EPHA6: variants seen among roughly 807,000 people sequenced by gnomAD.
EPHA6 encodes ephrin type-A receptor 6.
EPHA6 carries 50 observed loss-of-function variants against 112.0 expected under a neutral mutation model. The observed-to-expected ratio is 0.45, with a 90% CI of 0.36 to 0.56. The LOEUF (loss-of-function observed/expected upper bound fraction) is 0.56. Among genes scored for constraint, EPHA6 ranks in the 20% least tolerant of loss-of-function variants. The pLI is 0.00. For missense variants in EPHA6, 1,280 were observed against 1,417.4 expected, an observed-to-expected ratio of 0.90 and a Z score of 1.56; for synonymous variants, 529 against 490.7, an observed-to-expected ratio of 1.08 and a Z score of -1.03.
At chr3:97,010,472 C>T (rs961906178) in intron 3 of EPHA6, among the ~76,000 whole-genome samples, 1 of 152,012 alleles carries the variant, frequency 6.6e-6, no homozygotes, top group African/African-American at 2.4e-5. Flanking sequence ...CATACCTCTG[C>T]CCTATAAGCA....
chr3:97,732,704 A>G (rs2035089994), intron 15 of EPHA6, among the ~76,000 whole-genome samples: 1 of 152,076 alleles, frequency 6.6e-6, no homozygotes, highest in Non-Finnish European at 1.5e-5. Flanking sequence ...AAATGGAGAT[A>G]ACAATTATAC....
At chr3:96,964,714 T>C (rs1405515572) in intron 2 of EPHA6, among the ~76,000 whole-genome samples, 1 of 152,180 alleles carries the variant, frequency 6.6e-6, no homozygotes, top group Non-Finnish European at 1.5e-5. Context: ...AATGTACTTA[T>C]CCGTTTCCAG....
At chr3:96,904,813 A>G (rs891759582) in intron 2 of EPHA6, among the ~76,000 whole-genome samples, 1 of 152,102 alleles carries the variant, frequency 6.6e-6, no homozygotes, top group South Asian at 2.1e-4. Flanking sequence ...GATGTACAGG[A>G]TGATGACATG....
chr3:97,387,069 A>C (rs1323222567), intron 5 of EPHA6, among the ~76,000 whole-genome samples: 1 of 152,204 alleles, frequency 6.6e-6, no homozygotes, highest in African/African-American at 2.4e-5. Context: ...CCTGGCCCAC[A>C]AAACCATTCT....
intron 6 of EPHA6, 118 bp from the exon 7 acceptor site, chr3:97,448,450 T>A: frequency 3.7e-6 from 4 of 1,070,860 alleles, no homozygotes; most frequent in Non-Finnish European, 5.5e-6. Context: ...TAACACTACT[T>A]TGTAATCAAT....
chr3:97,144,287 TTATCTC>T (rs1419411053), intron 3 of EPHA6, among the ~76,000 whole-genome samples: 5 of 151,710 alleles, frequency 3.3e-5, no homozygotes, highest in Non-Finnish European at 5.9e-5. Context: ...TTGGAATTGT[TTATCTC>T]TATATTTTCT....
intron 3 of EPHA6, among the ~76,000 whole-genome samples, chr3:97,095,590 G>A (rs62265073): frequency 6.6e-6 from 1 of 151,642 alleles, no homozygotes; most frequent in African/African-American, 2.4e-5. Context: ...TTTTAGGTGG[G>A]CTAATGGCTA....
intron 3 of EPHA6, among the ~76,000 whole-genome samples, chr3:97,020,664 A>T (rs745850695): frequency 9.2e-5 from 14 of 152,216 alleles, no homozygotes; most frequent in Admixed American, 2.0e-4. Context: ...GTTTCACAGG[A>T]AGAGATTCCC....
chr3:97,547,508 G>T (rs1275139231), intron 11 of EPHA6, among the ~76,000 whole-genome samples: 1 of 152,152 alleles, frequency 6.6e-6, no homozygotes, highest in African/African-American at 2.4e-5. Flanking sequence ...GCTACTTGGG[G>T]GTCAGGGACC....
intron 5 of EPHA6, among the ~76,000 whole-genome samples, chr3:97,283,192 C>CT (rs552647637): frequency 1.1e-4 from 16 of 152,012 alleles, no homozygotes; most frequent in East Asian, 5.8e-4. Context: ...CTGTCAACAA[C>CT]TTTTTTTTAA....
intron 3 of EPHA6, among the ~76,000 whole-genome samples, chr3:97,050,792 T>C (rs969078748): frequency 3.9e-5 from 6 of 152,150 alleles, no homozygotes; most frequent in Non-Finnish European, 7.3e-5. Context: ...ACTAAATAAT[T>C]GCTGTTCTTT....
At chr3:97,716,690 C>A (rs1036869166) in intron 14 of EPHA6, among the ~76,000 whole-genome samples, 2 of 151,928 alleles carry the variant, frequency 1.3e-5, no homozygotes, top group Non-Finnish European at 2.9e-5. Flanking sequence ...CCTCATCTTG[C>A]AATTAGATAT....
chr3:97,257,373 G>A (rs1315268803), intron 5 of EPHA6, among the ~76,000 whole-genome samples: 2 of 151,728 alleles, frequency 1.3e-5, no homozygotes, highest in Admixed American at 1.3e-4. Context: ...TGGTAAAATT[G>A]GCAAAAGACA....
At chr3:97,588,172 T>C (rs796759515) in intron 11 of EPHA6, among the ~76,000 whole-genome samples, 128 of 152,322 alleles carry the variant, frequency 8.4e-4, no homozygotes, top group African/African-American at 2.8e-3. Flanking sequence ...AGTATTTTCT[T>C]TCTACCGCCC....
At chr3:97,226,812 G>A (rs80324642) in intron 4 of EPHA6, among the ~76,000 whole-genome samples, 3,012 of 152,230 alleles carry the variant, frequency 0.02, 93 homozygotes, top group African/African-American at 0.067. Flanking sequence ...TATAGTTAAC[G>A]CGTGAGGGAG....
chr3:97,502,783 G>A (rs1008219109), intron 10 of EPHA6, among the ~76,000 whole-genome samples: 16 of 121,194 alleles, frequency 1.3e-4, no homozygotes, highest in East Asian at 2.9e-4. Flanking sequence ...GCAGTGAGCC[G>A]AGATTGTGTC....
At chr3:97,301,404 CAT>C (rs2081085770) in intron 5 of EPHA6, among the ~76,000 whole-genome samples, 1 of 152,154 alleles carries the variant, frequency 6.6e-6, no homozygotes, top group Non-Finnish European at 1.5e-5. Context: ...TTAACAAACA[CAT>C]AGTTCTTACT....
At chr3:97,416,462 G>C (rs1025695437) in intron 6 of EPHA6, among the ~76,000 whole-genome samples, 1 of 152,052 alleles carries the variant, frequency 6.6e-6, no homozygotes, top group Non-Finnish European at 1.5e-5. Context: ...ATTAATAACT[G>C]TGACAAAATG....
intron 11 of EPHA6, among the ~76,000 whole-genome samples, chr3:97,563,734 C>A (rs1325638652): frequency 2.0e-5 from 3 of 152,126 alleles, no homozygotes; most frequent in Non-Finnish European, 4.4e-5. Flanking sequence ...AAGAATTAAG[C>A]ATTATTTAAC....
Sources: allele counts gnomAD v4.1 joint callset (sites outside exome capture counted in the v4.1 genomes callset), GRCh38; gene constraint gnomAD v4.1.1; transcripts MANE v1.5; gene names NCBI Gene and HGNC (gene_info 2026-07-23, HGNC 2026-07-21).